The following PEPD variants were observed in gnomAD, a reference collection of about 807,000 sequenced individuals.
The protein encoded by PEPD is xaa-Pro dipeptidase.
Under a neutral mutation model 60.7 loss-of-function variants are expected in PEPD, and 53 were observed. The observed-to-expected ratio is 0.87, with a 90% CI of 0.70 to 1.10. The LOEUF (loss-of-function observed/expected upper bound fraction) is 1.10, where lower values mean the gene tolerates loss of function less well. PEPD is among the 50% of genes least tolerant of loss of function. The probability of loss-of-function intolerance (pLI) is 0.00; values close to 1 mark genes in which losing one functional copy is unlikely to be tolerated. For synonymous variants in PEPD, 267 were observed against 284.1 expected, an observed-to-expected ratio of 0.94 and a Z score of 0.60; for missense variants, 711 against 711.9, an observed-to-expected ratio of 1.00 and a Z score of 0.01.
intron 7 of PEPD, among the ~76,000 whole-genome samples, chr19:33,471,329 G>A (rs1970116498): frequency 1.3e-5 from 2 of 151,860 alleles, no homozygotes; most frequent in Non-Finnish European, 2.9e-5. Flanking sequence ...ACCCCAGCCT[G>A]GCCTGGTTAT....
chr19:33,463,120 C>T, intron 8 of PEPD, 79 bp from the exon 9 acceptor site: 1 of 865,018 alleles, frequency 1.2e-6, no homozygotes. Context: ...TACAGCACTT[C>T]TTCAAAAGCA....
intron 7 of PEPD, among the ~76,000 whole-genome samples, chr19:33,468,015 T>C (rs1970051685): frequency 1.3e-5 from 2 of 150,294 alleles, no homozygotes; most frequent in African/African-American, 4.9e-5. Flanking sequence ...AATGATGGAG[T>C]GGAAGGAGGG....
chr19:33,499,842 T>C (rs568116246), intron 4 of PEPD, among the ~76,000 whole-genome samples: 1 of 152,278 alleles, frequency 6.6e-6, no homozygotes, highest in South Asian at 2.1e-4. Flanking sequence ...ACCCCCGAGC[T>C]GGATGGGCCG....
Position 33,413,755 on chromosome 19 carries a change from G to A in PEPD, c.672-112C>T. ...TCGGCCCATGGTCTCCCCTGCCGTG[G>A]CCCCACAATGGTCCAAACTCTCAGT... On this transcript the variant is annotated intron_variant, in intron 9 of 14. Coordinates refer to ENST00000244137, the MANE Select transcript of PEPD (RefSeq NM_000285.4). 3 of 701,666 alleles carry A rather than the reference G, an allele frequency of 4.3e-6. No homozygotes were observed. The South Asian group carries it at 4.6e-5, about 11-fold the overall frequency. 43.5% of individuals were successfully genotyped at this position (701,666 alleles called of 1,614,324 possible).
chr19:33,488,585 C>G (rs1970439122), intron 6 of PEPD, among the ~76,000 whole-genome samples: 1 of 152,142 alleles, frequency 6.6e-6, no homozygotes, highest in Non-Finnish European at 1.5e-5. Flanking sequence ...TTTCAACAAG[C>G]TGGGCTAATT....
intron 11 of PEPD, among the ~76,000 whole-genome samples, chr19:33,410,370 CT>C (rs1968736138): frequency 6.6e-6 from 1 of 152,218 alleles, no homozygotes; most frequent in Non-Finnish European, 1.5e-5. Context: ...GACCCCGAGA[CT>C]GAGTGTGTTC....
At chr19:33,403,144 C>T (rs1480796740) in intron 11 of PEPD, among the ~76,000 whole-genome samples, 1 of 152,176 alleles carries the variant, frequency 6.6e-6, no homozygotes, top group Non-Finnish European at 1.5e-5. Flanking sequence ...GGCGGAGGGG[C>T]GCAGGTGGTG....
chr19:33,399,128 A>G (rs1324719688), intron 12 of PEPD, among the ~76,000 whole-genome samples: 6 of 152,192 alleles, frequency 3.9e-5, no homozygotes, highest in Admixed American at 3.9e-4. Flanking sequence ...AGCTGGGATT[A>G]CAGGCATGAA....
At chr19:33,484,755 CAGAT>C (rs1000649295) in intron 6 of PEPD, among the ~76,000 whole-genome samples, 3 of 151,982 alleles carry the variant, frequency 2.0e-5, no homozygotes, top group South Asian at 4.1e-4. Context: ...TGTGTATACA[CAGAT>C]AGACACACAC....
At chr19:33,515,349 C>A (rs1971006134) in intron 1 of PEPD, among the ~76,000 whole-genome samples, 1 of 152,160 alleles carries the variant, frequency 6.6e-6, no homozygotes. Flanking sequence ...CCCTTCCTAC[C>A]CTCCCAGGAG....
At chr19:33,441,218 G>A (rs1255345131) in intron 9 of PEPD, among the ~76,000 whole-genome samples, 1 of 152,208 alleles carries the variant, frequency 6.6e-6, no homozygotes, top group East Asian at 1.9e-4. Flanking sequence ...AAGGCCTCCT[G>A]AGATGGCACC....
chr19:33,446,177 GAGCCACC>G (rs1052806500), intron 9 of PEPD, among the ~76,000 whole-genome samples: 52 of 152,056 alleles, frequency 3.4e-4, no homozygotes, highest in Admixed American at 3.3e-3. Context: ...TTTGATCTCG[GAGCCACC>G]AGCACTATCT....
At chr19:33,463,096 C>A (rs566454759) in intron 8 of PEPD, 55 bp from the exon 9 acceptor site, 1 of 1,063,660 alleles carries the variant, frequency 9.4e-7, no homozygotes, top group African/African-American at 1.5e-5. Flanking sequence ...AGTAACACAG[C>A]GTGATAAATA....
intron 9 of PEPD, among the ~76,000 whole-genome samples, chr19:33,441,384 C>T (rs1969477166): frequency 6.6e-6 from 1 of 152,212 alleles, no homozygotes; most frequent in Admixed American, 6.5e-5. Context: ...CCTCGATAAC[C>T]ACTGGGCTAT....
At chr19:33,423,032 C>A (rs1283337385) in intron 9 of PEPD, among the ~76,000 whole-genome samples, 1 of 151,820 alleles carries the variant, frequency 6.6e-6, no homozygotes, top group East Asian at 2.0e-4. Context: ...ATCATCCTAT[C>A]TATCCATCCA....
chr19:33,511,232 C>A (rs1970920925), intron 2 of PEPD, 77 bp from the exon 3 acceptor site: 1 of 1,504,340 alleles, frequency 6.6e-7, no homozygotes, highest in Admixed American at 1.7e-5. Flanking sequence ...CATCACAGCA[C>A]CCTAGAGAGC....
chr19:33,396,351 T>C (rs1263407543), intron 12 of PEPD, among the ~76,000 whole-genome samples: 1 of 151,942 alleles, frequency 6.6e-6, no homozygotes, highest in Non-Finnish European at 1.5e-5. Context: ...AGGAGACACA[T>C]GCCAGGTGGG....
At chr19:33,505,611 C>T (rs1293520964) in intron 3 of PEPD, among the ~76,000 whole-genome samples, 2 of 151,860 alleles carry the variant, frequency 1.3e-5, no homozygotes, top group African/African-American at 2.4e-5. Context: ...GGGGAAGCCT[C>T]GATCCTGGGG....
intron 11 of PEPD, among the ~76,000 whole-genome samples, chr19:33,404,035 G>A (rs905307526): frequency 6.6e-6 from 1 of 152,226 alleles, no homozygotes; most frequent in African/African-American, 2.4e-5. Context: ...CTCAGATCAC[G>A]GGTCCAGGAA....
Sources: allele counts gnomAD v4.1 joint callset (sites outside exome capture counted in the v4.1 genomes callset), GRCh38; gene constraint gnomAD v4.1.1; transcripts MANE v1.5; gene names NCBI Gene and HGNC (gene_info 2026-07-23, HGNC 2026-07-21).